Variants in SPATA7 observed in about 807,000 individuals in gnomAD.
SPATA7 encodes spermatogenesis associated 7.
A neutral mutation model predicts 51.8 loss-of-function variants in SPATA7; 43 were observed. The observed-to-expected ratio is 0.83, with a 90% confidence interval of 0.65 to 1.07. The LOEUF (loss-of-function observed/expected upper bound fraction) is 1.07, where lower values mean the gene tolerates loss of function less well. Ranked by LOEUF, SPATA7 falls within the 50% of genes least tolerant of loss-of-function variation. The pLI is 0.00. For missense variants in SPATA7, 683 were observed against 701.3 expected (o/e 0.97, Z 0.30); for synonymous variants, 230 against 252.8 (o/e 0.91, Z 0.86).
intron 10 of SPATA7, 88 bp from the exon 11 acceptor site, chr14:88,437,455 C>A: frequency 1.1e-6 from 1 of 920,588 alleles, no homozygotes; most frequent in Non-Finnish European, 1.8e-6. Flanking sequence ...CATTTTTCAA[C>A]CTTTGTAGTT....
chr14:88,459,799 C>T (rs1595320654), downstream of SPATA7, among the ~76,000 whole-genome samples: 1 of 152,206 alleles, frequency 6.6e-6, no homozygotes, highest in Non-Finnish European at 1.5e-5. Context: ...GATGCAGTTT[C>T]TTCCTAGCAT....
chr14:88,461,293 A>T (rs2077315879), intron 4 of SPATA7, among the ~76,000 whole-genome samples: 1 of 152,104 alleles, frequency 6.6e-6, no homozygotes, highest in South Asian at 2.1e-4. Flanking sequence ...TTCGGCTATG[A>T]CCTGCCCCCA....
exon 5 of SPATA7, chr14:88,470,280 A>C: frequency 5.6e-6 from 3 of 539,896 alleles, no homozygotes; most frequent in Non-Finnish European, 9.9e-6. Context: ...TATACATAAT[A>C]TCTATGCAAC....
chr14:88,444,428 T>G (rs373297977), intron 3 of SPATA7, among the ~76,000 whole-genome samples: 17,374 of 148,284 alleles, frequency 0.12, 1,559 homozygotes, highest in African/African-American at 0.24. Context: ...CTCCCATTTT[T>G]TAGGTTGCCT....
chr14:88,449,619 A>C (rs923859631), intron 3 of SPATA7, among the ~76,000 whole-genome samples: 1 of 152,146 alleles, frequency 6.6e-6, no homozygotes, highest in Non-Finnish European at 1.5e-5. Flanking sequence ...GTTTAAGTCC[A>C]TAGTTTCTTT....
At chr14:88,457,211 CT>C (rs1022765509), downstream of SPATA7, among the ~76,000 whole-genome samples, 40 of 152,206 alleles carry the variant, frequency 2.6e-4, no homozygotes, top group Admixed American at 3.3e-4. Context: ...AATGCGGGCC[CT>C]TTTTTGGTTC....
At chr14:88,464,452 C>T (rs2140065933) in intron 4 of SPATA7, among the ~76,000 whole-genome samples, 1 of 152,298 alleles carries the variant, frequency 6.6e-6, no homozygotes, top group East Asian at 1.9e-4. Context: ...GACTTACAGT[C>T]AGGCATGGTA....
At chr14:88,417,307 T>G (rs961624901) in intron 5 of SPATA7, among the ~76,000 whole-genome samples, 12 of 133,654 alleles carry the variant, frequency 9.0e-5, no homozygotes, top group South Asian at 4.6e-4. Flanking sequence ...CTGTGGGGTT[T>G]TTTTTTTTTT....
intron 4 of SPATA7, among the ~76,000 whole-genome samples, chr14:88,461,442 G>A (rs112593882): frequency 0.038 from 5,779 of 152,238 alleles, 362 homozygotes; most frequent in African/African-American, 0.13. Context: ...CTGCCATCTT[G>A]CAGATAGATC....
rs561604199 is a variant in SPATA7 at position 88,419,531 on chromosome 14, CTTTT to C, written c.372+2697_372+2700del. Among the ~76,000 whole-genome samples the C allele has an allele frequency of 3.1e-5, 4 of 131,020 alleles. No homozygotes were observed. In the Admixed American group the frequency reaches 3.1e-4, roughly 10 times the overall value. 86.0% of individuals were successfully genotyped at this position (131,020 alleles called of 152,430 possible). A position where few individuals can be genotyped will look rare whatever the true frequency, so the allele number is the denominator to read the frequency against. ...GATTATTCAATCTGATAATCATTGT[CTTTT>C]TTTTTTTTTGAGACAGAGTCTCGCT... On this transcript the variant is annotated intron_variant, in intron 5 of 11. Coordinates refer to ENST00000393545, the MANE Select transcript of SPATA7 (RefSeq NM_018418.5).
intron 1 of SPATA7, among the ~76,000 whole-genome samples, chr14:88,387,865 C>T (rs1199301424): frequency 6.6e-6 from 1 of 152,076 alleles, no homozygotes; most frequent in East Asian, 1.9e-4. Flanking sequence ...AACTGCCATT[C>T]ACTCTAATAT....
chr14:88,413,493 A>G (rs2076395735), intron 4 of SPATA7, among the ~76,000 whole-genome samples: 1 of 152,198 alleles, frequency 6.6e-6, no homozygotes, highest in South Asian at 2.1e-4. Context: ...TCATCAGGAA[A>G]GAGATAATTT....
At chr14:88,408,804 G>T (rs2076263946) in intron 4 of SPATA7, among the ~76,000 whole-genome samples, 1 of 152,138 alleles carries the variant, frequency 6.6e-6, no homozygotes, top group Non-Finnish European at 1.5e-5. Context: ...TTTATTGAGG[G>T]TTTTTAGCAT....
At chr14:88,388,937 A>T (rs1312295121) in intron 1 of SPATA7, among the ~76,000 whole-genome samples, 2 of 152,176 alleles carry the variant, frequency 1.3e-5, no homozygotes, top group Admixed American at 6.5e-5. Context: ...ATTCCATGGG[A>T]AATAGACTTT....
At position 88,469,476 on chromosome 14, in the gene SPATA7, G is replaced by C. The variant is rs72695831; in HGVS notation, c.255-371G>C. 1 of 1,572,566 alleles carries C rather than the reference G, an allele frequency of 6.4e-7. No homozygotes were observed. Among genetic ancestry groups the C allele is most frequent in the South Asian group, 1.1e-5 (1 of 90,118 alleles). On this transcript the variant is annotated intron_variant, in intron 4 of 4. Transcript: ENST00000556406. This position sits in a 1 kb window ranked among gnomAD's most constrained non-coding sequence, Gnocchi z 4.3. ...AACACCTCCAGAGGCAGCTGTCCTCGGAACAAAGTTAAAGTCACTCACATA... is the reference window on the plus strand; with the variant it reads ...AACACCTCCAGAGGCAGCTGTCCTCCGAACAAAGTTAAAGTCACTCACATA...
At chr14:88,457,612 TAAG>T (rs2077292459), downstream of SPATA7, among the ~76,000 whole-genome samples, 1 of 152,190 alleles carries the variant, frequency 6.6e-6, no homozygotes, top group Non-Finnish European at 1.5e-5. Flanking sequence ...CTTATCAGCT[TAAG>T]GAGATTTTGG....
chr14:88,433,812 A>G (rs1354894960), intron 10 of SPATA7, among the ~76,000 whole-genome samples: 2 of 152,158 alleles, frequency 1.3e-5, no homozygotes, highest in African/African-American at 2.4e-5. Flanking sequence ...TCTCTGTCAT[A>G]ATAATATGCC....
At chr14:88,446,997 T>G (rs1478030490) in intron 3 of SPATA7, among the ~76,000 whole-genome samples, 4 of 152,160 alleles carry the variant, frequency 2.6e-5, no homozygotes, top group East Asian at 1.9e-4. Context: ...ATGTCTATTA[T>G]GTCTGCTTGG....
intron 3 of SPATA7, among the ~76,000 whole-genome samples, chr14:88,448,244 A>G (rs1173781302): frequency 6.6e-6 from 1 of 151,874 alleles, no homozygotes; most frequent in East Asian, 1.9e-4. Flanking sequence ...TTCATCTTCC[A>G]TCGCTGATAC....
Sources: gnomAD v4.1 joint callset for allele counts (sites outside exome capture counted in the v4.1 genomes callset) on GRCh38, gnomAD v4.1.1 for gene constraint, Gnocchi (gnomAD v3.1) non-coding constraint, MANE v1.5 for transcripts, NCBI Gene and HGNC (gene_info 2026-07-23, HGNC 2026-07-21) for gene names.